The following CNTNAP2 variants were observed in gnomAD, a reference collection of about 807,000 sequenced individuals.
CNTNAP2 encodes contactin-associated protein-like 2.
Under a neutral mutation model 155.2 loss-of-function variants are expected in CNTNAP2, and 98 were observed. The ratio of observed to expected loss-of-function variants is 0.63; its 90% CI spans 0.54 to 0.75. The LOEUF is 0.75. CNTNAP2 is among the 30% of genes least tolerant of loss of function. CNTNAP2 has a pLI of 0.00. For synonymous variants in CNTNAP2, 651 were observed against 631.2 expected (o/e 1.03, Z -0.47); for missense variants, 1,727 against 1,688.1 (o/e 1.02, Z -0.40).
At chr7:147,514,532 G>C (rs851840) in intron 11 of CNTNAP2, among the ~76,000 whole-genome samples, 97,760 of 151,520 alleles carry the variant, frequency 0.65, 32,359 homozygotes, top group South Asian at 0.77. Context: ...ATAAACCTAG[G>C]CACATGCCCA....
chr7:147,666,719 CA>C (rs574952546), intron 13 of CNTNAP2, among the ~76,000 whole-genome samples: 4 of 152,132 alleles, frequency 2.6e-5, no homozygotes, highest in Non-Finnish European at 5.9e-5. Context: ...CCTTAATCAT[CA>C]AAATTCATGG....
intron 1 of CNTNAP2, among the ~76,000 whole-genome samples, chr7:146,521,010 C>A (rs1218985149): frequency 6.6e-6 from 1 of 151,882 alleles, no homozygotes; most frequent in Admixed American, 6.6e-5. Flanking sequence ...ACTTTTCTGA[C>A]CCTTCATCTC....
intron 1 of CNTNAP2, among the ~76,000 whole-genome samples, chr7:146,240,002 G>C (rs904475714): frequency 1.3e-5 from 2 of 152,046 alleles, no homozygotes; most frequent in African/African-American, 2.4e-5. Flanking sequence ...ATTTATAAAG[G>C]GGCAATGTAA....
chr7:147,123,719 C>G (rs937431107), intron 6 of CNTNAP2, among the ~76,000 whole-genome samples: 1 of 152,146 alleles, frequency 6.6e-6, no homozygotes, highest in Admixed American at 6.5e-5. Flanking sequence ...TGGAAAGGGA[C>G]TCCCTTTGCT....
chr7:147,338,867 CTT>C (rs1795708058), intron 9 of CNTNAP2, among the ~76,000 whole-genome samples: 1 of 150,424 alleles, frequency 6.6e-6, no homozygotes, highest in Non-Finnish European at 1.5e-5. Context: ...AAATGGGGGT[CTT>C]GAAGAGGGCT....
chr7:147,413,550 G>A (rs1261164117), intron 10 of CNTNAP2, among the ~76,000 whole-genome samples: 2 of 152,150 alleles, frequency 1.3e-5, no homozygotes, highest in South Asian at 2.1e-4. Context: ...GCAGGTGAGC[G>A]TGGGGTGCAG....
At chr7:148,212,413 A>G (rs1230777238) in intron 18 of CNTNAP2, among the ~76,000 whole-genome samples, 1 of 152,228 alleles carries the variant, frequency 6.6e-6, no homozygotes, top group Admixed American at 6.5e-5. Flanking sequence ...TTTGAGAAAC[A>G]TGATATAATT....
intron 1 of CNTNAP2, among the ~76,000 whole-genome samples, chr7:146,145,186 C>G (rs1447065935): frequency 6.6e-6 from 1 of 152,170 alleles, no homozygotes. Context: ...GACAACAGCT[C>G]TATCCCCCGT....
intron 14 of CNTNAP2, among the ~76,000 whole-genome samples, chr7:147,955,700 C>T (rs1452757117): frequency 1.3e-5 from 2 of 152,140 alleles, no homozygotes; most frequent in Admixed American, 6.6e-5. Flanking sequence ...GATGCACAGT[C>T]CCTGACCAAG....
At chr7:147,767,567 AAAT>A (rs1354194421) in intron 13 of CNTNAP2, among the ~76,000 whole-genome samples, 1 of 152,088 alleles carries the variant, frequency 6.6e-6, no homozygotes, top group Admixed American at 6.6e-5. Flanking sequence ...TACTGCCACT[AAAT>A]AATATTATTG....
At position 146,840,376 on chromosome 7, in the gene CNTNAP2, C is replaced by T. The variant is rs533663872; in HGVS notation, c.402+472C>T. 3.9e-5 allele frequency among the ~76,000 whole-genome samples: 6 copies of T among 152,090 alleles called. No homozygotes were observed. The East Asian group carries it at 9.6e-4, about 24-fold the overall frequency. On this transcript the variant is annotated intron_variant, in intron 3 of 23. Transcript: ENST00000361727. ...ATTACAGATCTATGTTCACTTTATT[C>T]CTTTATTATGAAAGAAGAGAATAAA...
At chr7:147,099,965 A>T (rs191283095) in intron 4 of CNTNAP2, among the ~76,000 whole-genome samples, 291 of 152,358 alleles carry the variant, frequency 1.9e-3, no homozygotes, top group African/African-American at 4.9e-3. Flanking sequence ...TCCTACAAAT[A>T]GATTATATGC....
chr7:146,571,560 C>G (rs1390682568), intron 1 of CNTNAP2, among the ~76,000 whole-genome samples: 13 of 151,982 alleles, frequency 8.6e-5, no homozygotes, highest in Admixed American at 7.9e-4. Context: ...TTGTCTAGCT[C>G]TGAGCTCTAT....
At chr7:147,013,948 G>T (rs1209801552) in intron 3 of CNTNAP2, among the ~76,000 whole-genome samples, 1 of 152,128 alleles carries the variant, frequency 6.6e-6, no homozygotes, top group Non-Finnish European at 1.5e-5. Context: ...ACAAGTTAAT[G>T]AAAGATGCAA....
chr7:146,663,278 A>G (rs1391864078), intron 1 of CNTNAP2, among the ~76,000 whole-genome samples: 2 of 76,838 alleles, frequency 2.6e-5, no homozygotes, highest in East Asian at 7.1e-4. Flanking sequence ...ACTCCATCTC[A>G]AAAAAAAAAA....
In CNTNAP2 at chr7:146,293,079, G is replaced by A. The variant is rs7785353; in HGVS notation, c.97+176106G>A. On this transcript the variant is annotated intron_variant, in intron 1 of 23. Coordinates refer to ENST00000361727, the MANE Select transcript of CNTNAP2 (RefSeq NM_014141.6). ...TTTAATTATTCAATATTGTATTCACGAACTATAACACCAGTTTGTGTCACA... is the reference window on the plus strand; with the variant it reads ...TTTAATTATTCAATATTGTATTCACAAACTATAACACCAGTTTGTGTCACA... Among the ~76,000 whole-genome samples the A allele has an allele frequency of 4.2e-3, 632 of 151,940 alleles. 4 individuals are homozygous for A. Among genetic ancestry groups the A allele is most frequent in the African/African-American group, 0.015 (610 of 41,458 alleles).
rs1057163664 is a variant in CNTNAP2 at position 146,823,512 on chromosome 7, C to T, written c.209-16199C>T. Among the ~76,000 whole-genome samples, 42 of 137,606 alleles carry T rather than the reference C, an allele frequency of 3.1e-4. 1 individual carries two copies. Among genetic ancestry groups the T allele is most frequent in the African/African-American group, 1.2e-3 (39 of 33,460 alleles). The allele number at this position is 137,606 out of a possible 152,430, so 90.3% of individuals were successfully genotyped here. On this transcript the variant is annotated intron_variant, in intron 2 of 23. Transcript: ENST00000361727. ...TTCAGTATATTTACATGGAAATATA[C>T]TCATTCTTCAGTATATTTACATGGA...
intron 1 of CNTNAP2, among the ~76,000 whole-genome samples, chr7:146,144,076 A>G (rs1394724074): frequency 2.6e-5 from 4 of 152,114 alleles, no homozygotes; most frequent in Admixed American, 1.3e-4. Flanking sequence ...TTTACTTTCA[A>G]TAAGCAAAAT....
chr7:146,383,798 G>T (rs1234262252), intron 1 of CNTNAP2, among the ~76,000 whole-genome samples: 1 of 152,086 alleles, frequency 6.6e-6, no homozygotes, highest in Non-Finnish European at 1.5e-5. Flanking sequence ...GTTTTCATTT[G>T]GATGTTAACT....
Sources: gnomAD v4.1 joint callset for allele counts (sites outside exome capture counted in the v4.1 genomes callset) on GRCh38, gnomAD v4.1.1 for gene constraint, MANE v1.5 for transcripts, NCBI Gene and HGNC (gene_info 2026-07-23, HGNC 2026-07-21) for gene names.